The following EIF2B1 variants were observed in gnomAD, a reference collection of about 807,000 sequenced individuals.
EIF2B1 encodes eukaryotic translation initiation factor 2B subunit alpha, also known as translation initiation factor eIF2B subunit alpha.
A neutral mutation model predicts 36.8 loss-of-function variants in EIF2B1; 30 were observed. The ratio of observed to expected loss-of-function variants is 0.81; its 90% CI spans 0.61 to 1.10. The LOEUF (loss-of-function observed/expected upper bound fraction) is 1.10. Among genes scored for constraint, EIF2B1 ranks in the 50% least tolerant of loss-of-function variants. The probability of loss-of-function intolerance (pLI) is 0.00; values close to 1 mark genes in which losing one functional copy is unlikely to be tolerated. For missense variants in EIF2B1, 271 were observed against 374.8 expected (o/e 0.72, Z 2.29); for synonymous variants, 139 against 142.2 (o/e 0.98, Z 0.16).
chr12:123,626,515 C>A lies in EIF2B1; in HGVS notation c.483-22G>T, dbSNP rs79606093. The A allele has an allele frequency of 0.029, 46,267 of 1,613,684 alleles. 2,262 individuals carry two copies. Among genetic ancestry groups the A allele is most frequent in the African/African-American group, 0.22 (16,638 of 74,938 alleles). On this transcript the variant is annotated intron_variant, in intron 5 of 8. Transcript: ENST00000424014. Reference sequence around the variant, plus strand: ...CTTACTGAAGATGACATTTTGAGAACGTTAGAGAAAGTACAAGACAGTACC... The same window carrying A: ...CTTACTGAAGATGACATTTTGAGAAAGTTAGAGAAAGTACAAGACAGTACC...
chr12:123,626,384 G>A (rs771366452), intron 6 of EIF2B1, 41 bp downstream of exon 6: 1 of 1,612,264 alleles, frequency 6.2e-7, no homozygotes, highest in Non-Finnish European at 8.5e-7. Context: ...GCCAGCATGG[G>A]GTGGGGGAGG....
At chr12:123,632,629 G>A (rs1191293691) in intron 1 of EIF2B1, among the ~76,000 whole-genome samples, 183 bp from the exon 2 acceptor site, 2 of 152,178 alleles carry the variant, frequency 1.3e-5, no homozygotes, top group Non-Finnish European at 2.9e-5. Flanking sequence ...TTTGCTGTTT[G>A]CAAGAGCTCT....
chr12:123,624,869 G>T lies in EIF2B1; in HGVS notation c.552-7C>A. On this transcript the variant is annotated splice_region_variant and splice_polypyrimidine_tract_variant and intron_variant, in intron 6 of 8. Transcript: ENST00000424014. ...TGCTTTCTCCATGATGTAGCTAAGG[G>T]GAAAAAAAGCTTTTCATGCTTTATT... is the stretch of plus-strand genomic sequence containing the variant. The T allele has an allele frequency of 6.2e-7, 1 of 1,613,526 alleles. No individual in the cohort carries two copies. The highest frequency in any genetic ancestry group is 8.5e-7 in the Non-Finnish European group (1 of 1,179,642).
At position 123,630,393 on chromosome 12, in the gene EIF2B1, T is replaced by G. The variant is rs1955178880; in HGVS notation, c.252+4A>C. 3 of 1,614,054 alleles carry G rather than the reference T, an allele frequency of 1.9e-6. No individual in the cohort carries two copies. Among genetic ancestry groups the G allele is most frequent in the Non-Finnish European group, 2.5e-6 (3 of 1,180,042 alleles). On this transcript the variant is annotated splice_donor_region_variant and intron_variant, in intron 3 of 8. Transcript: ENST00000424014. This position sits in a 1 kb window ranked among gnomAD's most constrained non-coding sequence, Gnocchi z 4.6. ...AGGTAACCCCAGGGAGAACAGGCAC[T>G]TACGGAGTATTCCAGGGAGGCAAGA...
rs971751515 is a variant in EIF2B1, at chr12:123,632,284, A to G, written c.115+61T>C. ...CTCCGTCTCTTTAAAAAAAAAAAAAAAGAAAAGAAAAAAAAGACTATCCTA... is the reference window on the plus strand; with the variant it reads ...CTCCGTCTCTTTAAAAAAAAAAAAAGAGAAAAGAAAAAAAAGACTATCCTA... On this transcript the variant is annotated intron_variant, in intron 2 of 8. Coordinates refer to ENST00000424014, the MANE Select transcript of EIF2B1 (RefSeq NM_001414.4). 62 of 1,082,800 alleles carry G rather than the reference A, an allele frequency of 5.7e-5. 1 individual carries two copies. In the African/African-American group the frequency reaches 7.8e-4, roughly 14 times the overall value. The allele number at this position is 1,082,800 out of a possible 1,614,324, so 67.1% of individuals were successfully genotyped here.
intron 6 of EIF2B1, chr12:123,625,840 A>T (rs1387998840): frequency 1.8e-5 from 3 of 162,192 alleles, no homozygotes; most frequent in Non-Finnish European, 2.7e-5. Flanking sequence ...CTTAAAATGC[A>T]TTTGCACTGG....
chr12:123,633,585 G>T lies in EIF2B1; in HGVS notation c.-28C>A, dbSNP rs780490289. 3 of 1,607,892 alleles carry T rather than the reference G, an allele frequency of 1.9e-6. No individual in the cohort carries two copies. Among genetic ancestry groups the T allele is most frequent in the Non-Finnish European group, 2.5e-6 (3 of 1,179,954 alleles). ...CGTCCTCCTGCTGCGGAGCCCCAGG[G>T]GACCCGAGCCGCCCGCGCTGTCTCG... On this transcript the variant is annotated 5_prime_UTR_variant, in exon 1 of 9. Coordinates refer to ENST00000424014, the MANE Select transcript of EIF2B1 (RefSeq NM_001414.4).
At chr12:123,624,998 A>G (rs1955137670) in intron 6 of EIF2B1, 136 bp from the exon 7 acceptor site, 4 of 748,550 alleles carry the variant, frequency 5.3e-6, no homozygotes, top group Non-Finnish European at 9.3e-6. Flanking sequence ...AAGCGCACTT[A>G]ACACGCGATA....
In EIF2B1 at chr12:123,629,433, TTC is replaced by T. The variant is rs1955171810; in HGVS notation, c.369+734_369+735del. Reference sequence around the variant, plus strand: ...CAGTGTTAACCAGTGACAAGAGCTGTTCTGTTAATTCAGATTTACTACACATA... The same window carrying T: ...CAGTGTTAACCAGTGACAAGAGCTGTTGTTAATTCAGATTTACTACACATA... On this transcript the variant is annotated intron_variant, in intron 4 of 8. Transcript: ENST00000424014. 3.3e-5 allele frequency among the ~76,000 whole-genome samples: 5 copies of T among 152,344 alleles called. No individual in the cohort carries two copies. In the South Asian group the frequency reaches 1.0e-3, roughly 32 times the overall value.
chr12:123,626,952 G>T, intron 5 of EIF2B1, 92 bp downstream of exon 5: 3 of 1,149,498 alleles, frequency 2.6e-6, no homozygotes, highest in Non-Finnish European at 2.6e-6. Context: ...CAAGCTGGGG[G>T]CACATTCTGG....
intron 7 of EIF2B1, among the ~76,000 whole-genome samples, chr12:123,623,605 T>G (rs1955124834): frequency 6.6e-6 from 1 of 152,046 alleles, no homozygotes; most frequent in Admixed American, 6.6e-5. Flanking sequence ...GCCAAGTAGC[T>G]GGGATTACAG....
chr12:123,631,394 C>T (rs557277339), intron 2 of EIF2B1, among the ~76,000 whole-genome samples: 2 of 151,910 alleles, frequency 1.3e-5, no homozygotes, highest in South Asian at 2.1e-4. Flanking sequence ...CTTTCCTGGC[C>T]GAACATGGTG....
chr12:123,627,211 C>T, intron 4 of EIF2B1, 55 bp from the exon 5 acceptor site: 1 of 1,372,248 alleles, frequency 7.3e-7, no homozygotes, highest in Non-Finnish European at 1.0e-6. Flanking sequence ...CTCACTCACA[C>T]CCTCTGCACT....
chr12:123,622,724 T>C lies in EIF2B1; in HGVS notation c.665A>G (p.Gln222Arg). The change falls in exon 8 of 9, where the codon CAG becomes CGG. Residue 222 changes from glutamine (Q) to arginine (R), a missense_variant. By Grantham distance (43) the Gln-to-Arg change is conservative. Transcript: ENST00000424014. Reference protein sequence around the residue: ...TNQMAVCAKAQNKPFYVVAES... With the variant: ...TNQMAVCAKARNKPFYVVAES... The stretch of plus-strand genomic sequence containing the variant: ...TGCAACCACATAGAAAGGTTTGTTC[T>C]GTGCTTTGGCACACACAGCCATCTG... The C allele has an allele frequency of 6.2e-7, 1 of 1,614,182 alleles. No individual in the cohort carries two copies. Among genetic ancestry groups the C allele is most frequent in the Non-Finnish European group, 8.5e-7 (1 of 1,179,996 alleles).
At chr12:123,629,665 C>T (rs192772907) in intron 4 of EIF2B1, among the ~76,000 whole-genome samples, 1 of 152,082 alleles carries the variant, frequency 6.6e-6, no homozygotes, top group African/African-American at 2.4e-5. Context: ...TGCTGGTGGG[C>T]ACCTGTAGTC....
intron 8 of EIF2B1, 124 bp downstream of exon 8, chr12:123,622,512 T>C: frequency 7.4e-7 from 1 of 1,343,442 alleles, no homozygotes; most frequent in Non-Finnish European, 1.0e-6. Context: ...TTTATCTTTG[T>C]ATTCCAAGTG....
At chr12:123,632,321 G>T in intron 2 of EIF2B1, 24 bp downstream of exon 2, 10 of 1,359,038 alleles carry the variant, frequency 7.4e-6, no homozygotes, top group Non-Finnish European at 1.1e-5. Context: ...GTCCCAGAGT[G>T]TTAACAGATG....
intron 4 of EIF2B1, among the ~76,000 whole-genome samples, chr12:123,629,118 G>A (rs1245505204): frequency 6.6e-6 from 1 of 152,108 alleles, no homozygotes; most frequent in Non-Finnish European, 1.5e-5. Context: ...ATACTTCAAA[G>A]GTTGGGAAGG....
rs189711963 is a variant in EIF2B1, at chr12:123,628,930, C to A, written c.369+1239G>T. 6.0e-4 allele frequency among the ~76,000 whole-genome samples: 91 copies of A among 152,316 alleles called. No homozygotes were observed. In the Middle Eastern group the frequency reaches 0.02, roughly 34 times the overall value. On this transcript the variant is annotated intron_variant, in intron 4 of 8. Coordinates refer to ENST00000424014, the MANE Select transcript of EIF2B1 (RefSeq NM_001414.4). Reference sequence around the variant, plus strand: ...CTGCAGGTAAAGTACATACATACCACACTACACTAGAGCAAACGAAACCCG... The same window carrying A: ...CTGCAGGTAAAGTACATACATACCAAACTACACTAGAGCAAACGAAACCCG...
Sources: gnomAD v4.1 joint callset for allele counts (sites outside exome capture counted in the v4.1 genomes callset) on GRCh38, gnomAD v4.1.1 for gene constraint, Gnocchi (gnomAD v3.1) non-coding constraint, MANE v1.5 for transcripts, NCBI Gene and HGNC (gene_info 2026-07-23, HGNC 2026-07-21) for gene names.